The following FIGN variants were observed in gnomAD, a reference collection of about 807,000 sequenced individuals.
FIGN encodes fidgetin, microtubule severing factor.
A neutral mutation model predicts 51.3 loss-of-function variants in FIGN; 11 were observed. The observed-to-expected ratio is 0.21, with a 90% CI of 0.13 to 0.35. The LOEUF is 0.35. Ranked by LOEUF, FIGN falls within the 10% of genes least tolerant of loss-of-function variation. FIGN has a pLI of 1.00. For missense variants in FIGN, 857 were observed against 943.6 expected (o/e 0.91, Z 1.20); for synonymous variants, 407 against 363.2 (o/e 1.12, Z -1.37).
intron 2 of FIGN, among the ~76,000 whole-genome samples, chr2:163,719,861 T>A (rs2105362095): frequency 6.6e-6 from 1 of 152,332 alleles, no homozygotes; most frequent in East Asian, 1.9e-4. Context: ...TTTGAACAAT[T>A]TATTTTTTAG....
At chr2:163,676,473 ATATATATATAAC>A (rs1291469723) in intron 2 of FIGN, among the ~76,000 whole-genome samples, 3 of 108,920 alleles carry the variant, frequency 2.8e-5, no homozygotes, top group South Asian at 3.0e-4. Flanking sequence ...ATATATATAT[ATATATATATAAC>A]TAGAGTCTGT....
At chr2:163,735,130 C>A in intron 1 of FIGN, 58 bp from the exon 2 acceptor site, 1 of 540,604 alleles carries the variant, frequency 1.8e-6, no homozygotes, top group Non-Finnish European at 3.3e-6. Flanking sequence ...TCTCAGATCA[C>A]AGGAGAAGAA....
intron 2 of FIGN, among the ~76,000 whole-genome samples, chr2:163,704,625 TTCTCTC>T (rs751888499): frequency 1.1e-4 from 4 of 36,364 alleles, no homozygotes; most frequent in African/African-American, 3.0e-4. Flanking sequence ...GTCTCTCTCT[TTCTCTC>T]TCTCTCTCTC....
At chr2:163,690,052 C>T (rs993664695) in intron 2 of FIGN, among the ~76,000 whole-genome samples, 1 of 152,092 alleles carries the variant, frequency 6.6e-6, no homozygotes, top group Non-Finnish European at 1.5e-5. Flanking sequence ...TTATGTCAGT[C>T]CCCCTCAATT....
At chr2:163,680,486 C>G (rs1684043635) in intron 2 of FIGN, among the ~76,000 whole-genome samples, 1 of 152,164 alleles carries the variant, frequency 6.6e-6, no homozygotes, top group Non-Finnish European at 1.5e-5. Flanking sequence ...CATGGGAGAA[C>G]AGCCAAGGGA....
chr2:163,626,971 A>G (rs573389296), intron 2 of FIGN, among the ~76,000 whole-genome samples: 3 of 152,254 alleles, frequency 2.0e-5, no homozygotes, highest in East Asian at 1.9e-4. Context: ...ATTACCCTAT[A>G]TAGTCTAAAA....
chr2:163,722,453 T>C (rs1684772918), intron 2 of FIGN, among the ~76,000 whole-genome samples: 1 of 152,152 alleles, frequency 6.6e-6, no homozygotes, highest in Non-Finnish European at 1.5e-5. Context: ...GTCAATCAAC[T>C]CTATATTGGT....
chr2:163,700,937 C>T (rs1486220739), intron 2 of FIGN, among the ~76,000 whole-genome samples: 1 of 152,108 alleles, frequency 6.6e-6, no homozygotes, highest in African/African-American at 2.4e-5. Context: ...CTAATCAATT[C>T]ATATTTCTGG....
At chr2:163,674,815 C>G (rs911007207) in intron 2 of FIGN, among the ~76,000 whole-genome samples, 1 of 151,478 alleles carries the variant, frequency 6.6e-6, no homozygotes. Context: ...TTACAACATT[C>G]TTGACAAAAA....
At chr2:163,623,306 A>G (rs774395920) in intron 2 of FIGN, among the ~76,000 whole-genome samples, 1 of 152,170 alleles carries the variant, frequency 6.6e-6, no homozygotes, top group Non-Finnish European at 1.5e-5. Flanking sequence ...GTATTATTTG[A>G]GGTTTTCTTT....
intron 2 of FIGN, among the ~76,000 whole-genome samples, chr2:163,659,046 C>T (rs1683609423): frequency 6.6e-6 from 1 of 152,142 alleles, no homozygotes; most frequent in African/African-American, 2.4e-5. Context: ...CTCTGTTCAT[C>T]TAACCTTCGA....
intron 2 of FIGN, among the ~76,000 whole-genome samples, chr2:163,672,087 C>T (rs1371388116): frequency 6.6e-6 from 1 of 152,086 alleles, no homozygotes; most frequent in Non-Finnish European, 1.5e-5. Flanking sequence ...ATCCCTGTTG[C>T]TGAGATAATT....
intron 2 of FIGN, among the ~76,000 whole-genome samples, chr2:163,613,381 C>G (rs1157744564): frequency 6.6e-6 from 1 of 152,076 alleles, no homozygotes; most frequent in East Asian, 1.9e-4. Flanking sequence ...GGCATCAACC[C>G]CCTTCTGAAT....
At chr2:163,686,721 T>A (rs764095423) in intron 2 of FIGN, among the ~76,000 whole-genome samples, 5 of 151,860 alleles carry the variant, frequency 3.3e-5, no homozygotes, top group Non-Finnish European at 7.4e-5. Flanking sequence ...ATTTAGCTAT[T>A]TTCCCAAATC....
At chr2:163,735,196 T>G (rs542057181) in intron 1 of FIGN, 124 bp from the exon 2 acceptor site, 5 of 464,868 alleles carry the variant, frequency 1.1e-5, no homozygotes, top group Admixed American at 8.1e-5. Flanking sequence ...TTTCACTCAC[T>G]CCCATTGAAA....
chr2:163,714,774 C>T (rs1364830411), intron 2 of FIGN, among the ~76,000 whole-genome samples: 3 of 152,198 alleles, frequency 2.0e-5, no homozygotes, highest in Non-Finnish European at 4.4e-5. Context: ...GAAAATTAAT[C>T]TTATACCCAT....
At chr2:163,694,460 C>T (rs12615434) in intron 2 of FIGN, among the ~76,000 whole-genome samples, 12,835 of 152,182 alleles carry the variant, frequency 0.084, 676 homozygotes, top group Admixed American at 0.11. Context: ...ATGGAATCCT[C>T]TCTTTTACAG....
At chr2:163,733,219 G>C (rs1164912372) in intron 2 of FIGN, among the ~76,000 whole-genome samples, 1 of 152,132 alleles carries the variant, frequency 6.6e-6, no homozygotes, top group Non-Finnish European at 1.5e-5. Flanking sequence ...TTATTTAATA[G>C]TAAGCAGAGA....
chr2:163,679,479 C>T (rs1345849008), intron 2 of FIGN, among the ~76,000 whole-genome samples: 1 of 146,816 alleles, frequency 6.8e-6, no homozygotes, highest in Non-Finnish European at 1.5e-5. Flanking sequence ...CTGGGCGACA[C>T]TGCGAGACTC....
Sources: gnomAD v4.1 joint callset for allele counts (sites outside exome capture counted in the v4.1 genomes callset) on GRCh38, gnomAD v4.1.1 for gene constraint, MANE v1.5 for transcripts, NCBI Gene and HGNC (gene_info 2026-07-23, HGNC 2026-07-21) for gene names.